ANXA13: variants seen among roughly 807,000 people sequenced by gnomAD.
ANXA13 encodes the protein annexin XIII.
ANXA13 carries 36 observed loss-of-function variants against 46.6 expected under a neutral mutation model. The observed-to-expected ratio is 0.77, with a 90% CI of 0.59 to 1.02. The LOEUF (loss-of-function observed/expected upper bound fraction) is 1.02. Ranked by LOEUF, ANXA13 falls within the 50% of genes least tolerant of loss-of-function variation. The pLI, the probability that ANXA13 is intolerant of heterozygous loss-of-function variation, is 0.00. For missense variants in ANXA13, 417 were observed against 396.5 expected, an observed-to-expected ratio of 1.05 and a Z score of -0.44; for synonymous variants, 163 against 152.9, an observed-to-expected ratio of 1.07 and a Z score of -0.49.
intron 2 of ANXA13, among the ~76,000 whole-genome samples, chr8:123,708,657 C>T (rs142113107): frequency 1.1e-4 from 16 of 152,320 alleles, no homozygotes; most frequent in Admixed American, 7.2e-4. Context: ...TCTCAGTTTC[C>T]GGAGGGGAGG....
intron 3 of ANXA13, among the ~76,000 whole-genome samples, chr8:123,699,950 T>C (rs1013046699): frequency 1.4e-4 from 21 of 152,354 alleles, no homozygotes; most frequent in Middle Eastern, 3.4e-3. Context: ...TGACATATTT[T>C]AAACGGTCAA....
Position 123,712,703 on chromosome 8 carries a change from C to G in ANXA13, c.66G>C (p.Lys22Asn). 1 of 1,614,196 alleles carries G rather than the reference C, an allele frequency of 6.2e-7. No homozygotes were observed. The highest frequency in any genetic ancestry group is 8.5e-7 in the Non-Finnish European group (1 of 1,180,036). Reference protein sequence around the residue: ...QGFDVDRDAKKLNKACKGMGT... With the variant: ...QGFDVDRDAKNLNKACKGMGT... ...CCATTCCTTTGCAGGCTTTGTTCAG[C>G]TTTTTGGCATCTCGATCCACATCAA... Residue 22 changes from lysine to asparagine, a missense_variant, in exon 2 of 11, where the codon AAG (lysine) becomes AAC (asparagine). Physicochemically the swap from Lys to Asn is moderately conservative, Grantham distance 94. Transcript: ENST00000419625.
At position 123,721,289 on chromosome 8, in the gene ANXA13, G is replaced by A. The variant is rs922396030; in HGVS notation, c.16-8536C>T. 5.9e-5 allele frequency among the ~76,000 whole-genome samples: 9 copies of A among 152,152 alleles called. No homozygotes were observed. In the East Asian group the frequency reaches 7.7e-4, roughly 13 times the overall value. ...TACAGATTTAAGGAAACTGAGTCCA[G>A]TTTGGGGAAGGTTCTTCTTTGAGGT... On this transcript the variant is annotated intron_variant, in intron 1 of 10. Coordinates refer to ENST00000419625, the MANE Select transcript of ANXA13 (RefSeq NM_004306.4).
At chr8:123,688,288 G>A (rs192548214) in intron 9 of ANXA13, among the ~76,000 whole-genome samples, 1 of 152,256 alleles carries the variant, frequency 6.6e-6, no homozygotes, top group Non-Finnish European at 1.5e-5. Context: ...TCTTTCGCTT[G>A]GGTCTTATTC....
chr8:123,697,953 C>G (rs917935072), intron 4 of ANXA13, among the ~76,000 whole-genome samples: 7 of 152,322 alleles, frequency 4.6e-5, no homozygotes, highest in Admixed American at 4.6e-4. Context: ...CTGGCATCCC[C>G]CAGCACCACT....
intron 1 of ANXA13, among the ~76,000 whole-genome samples, chr8:123,735,021 T>C (rs1389857155): frequency 2.1e-5 from 3 of 143,666 alleles, no homozygotes; most frequent in African/African-American, 5.2e-5. Flanking sequence ...AGAAATATGA[T>C]AAAAGAACTC....
At chr8:123,700,131 C>T (rs897864604) in intron 3 of ANXA13, among the ~76,000 whole-genome samples, 4 of 152,202 alleles carry the variant, frequency 2.6e-5, no homozygotes, top group Non-Finnish European at 2.9e-5. Context: ...ATTATGCCTC[C>T]GCCCCACAGT....
At chr8:123,682,238 T>C (rs1250534784) in intron 10 of ANXA13, among the ~76,000 whole-genome samples, 1 of 152,214 alleles carries the variant, frequency 6.6e-6, no homozygotes, top group Non-Finnish European at 1.5e-5. Flanking sequence ...ATCTAATTTA[T>C]TGGAAGCTTG....
At chr8:123,720,956 T>C (rs1813858392) in intron 1 of ANXA13, among the ~76,000 whole-genome samples, 1 of 152,174 alleles carries the variant, frequency 6.6e-6, no homozygotes, top group Non-Finnish European at 1.5e-5. Flanking sequence ...GGGTACAGTT[T>C]GCTGTACTCC....
At chr8:123,722,390 G>GA (rs1332005001) in intron 1 of ANXA13, among the ~76,000 whole-genome samples, 1 of 137,518 alleles carries the variant, frequency 7.3e-6, no homozygotes, top group Admixed American at 7.1e-5. Flanking sequence ...AAGAAAGAAA[G>GA]AAAGAAAAGC....
chr8:123,698,702 A>C, intron 3 of ANXA13, 143 bp from the exon 4 acceptor site: 1 of 840,996 alleles, frequency 1.2e-6, no homozygotes. Flanking sequence ...TGCTGAGAAC[A>C]TGCAACCTGC....
intron 2 of ANXA13, among the ~76,000 whole-genome samples, chr8:123,706,424 C>G (rs562896962): frequency 6.6e-6 from 1 of 152,338 alleles, no homozygotes; most frequent in Non-Finnish European, 1.5e-5. Context: ...TTTCTGCGTG[C>G]AGGAGACCCA....
intron 8 of ANXA13, among the ~76,000 whole-genome samples, chr8:123,692,641 G>A (rs1813262811): frequency 1.3e-5 from 2 of 152,186 alleles, no homozygotes; most frequent in South Asian, 4.1e-4. Flanking sequence ...ACTGTAAACT[G>A]GAGTAATAGT....
chr8:123,733,315 A>G (rs1254806789), intron 1 of ANXA13, among the ~76,000 whole-genome samples: 1 of 152,134 alleles, frequency 6.6e-6, no homozygotes, highest in African/African-American at 2.4e-5. Context: ...TTGGGATCAC[A>G]GTTTAATGCA....
intron 1 of ANXA13, among the ~76,000 whole-genome samples, chr8:123,716,685 C>T (rs1460085311): frequency 6.6e-6 from 1 of 152,070 alleles, no homozygotes; most frequent in Non-Finnish European, 1.5e-5. Context: ...GCTGATGGAA[C>T]GGGTGTCCTA....
At chr8:123,735,738 G>C in intron 1 of ANXA13, 1 of 1,604,700 alleles carries the variant, frequency 6.2e-7, no homozygotes, top group Non-Finnish European at 8.5e-7. Flanking sequence ...GATTTGGGGG[G>C]AAAATAAAGT....
chr8:123,735,678 A>T (rs1814245485), intron 1 of ANXA13: 2 of 1,453,918 alleles, frequency 1.4e-6, no homozygotes, highest in Non-Finnish European at 1.8e-6. Flanking sequence ...AACATGACAG[A>T]TCACTGGGGG....
intron 9 of ANXA13, among the ~76,000 whole-genome samples, chr8:123,688,269 GGGGTTTCCT>G (rs1361232832): frequency 1.3e-5 from 2 of 152,172 alleles, no homozygotes; most frequent in Non-Finnish European, 2.9e-5. Flanking sequence ...GATTTTATAA[GGGGTTTCCT>G]CTTTCGCTTG....
chr8:123,707,370 T>C (rs1250362455), intron 2 of ANXA13, among the ~76,000 whole-genome samples: 1 of 151,810 alleles, frequency 6.6e-6, no homozygotes, highest in Admixed American at 6.6e-5. Context: ...ATCAGGAAAA[T>C]GAAATTAATA....
Sources: allele counts gnomAD v4.1 joint callset (sites outside exome capture counted in the v4.1 genomes callset), GRCh38; gene constraint gnomAD v4.1.1; transcripts MANE v1.5; gene names NCBI Gene and HGNC (gene_info 2026-07-23, HGNC 2026-07-21).